The following BRD10 variants were observed in gnomAD, a reference collection of about 807,000 sequenced individuals.
The protein encoded by BRD10 is uncharacterized bromodomain-containing protein 10.
chr9:5,994,204 ACT>A, the BRD10 span, among the ~76,000 whole-genome samples: 841 of 152,276 alleles, frequency 5.5e-3, 3 homozygotes, highest in Non-Finnish European at 8.9e-3. Context: ...ATGCTTATTT[ACT>A]CTCTCATTTT....
chr9:5,885,463 C>A, the BRD10 span, among the ~76,000 whole-genome samples: 1 of 152,078 alleles, frequency 6.6e-6, no homozygotes, highest in Non-Finnish European at 1.5e-5. Flanking sequence ...CTCCACTTCC[C>A]AGGTTGAAGT....
At chr9:5,957,141 G>C in the BRD10 span, among the ~76,000 whole-genome samples, 1 of 152,112 alleles carries the variant, frequency 6.6e-6, no homozygotes, top group South Asian at 2.1e-4. Flanking sequence ...AACCTGCTGT[G>C]TGTCAGATAC....
the BRD10 span, chr9:5,914,150 CCACGT>C: frequency 2.4e-6 from 1 of 412,752 alleles, no homozygotes; most frequent in South Asian, 1.8e-5. Context: ...TCCTGCTGTT[CCACGT>C]GCAGGGGATC....
the BRD10 span, chr9:5,897,698 C>G: frequency 1.3e-6 from 2 of 1,499,702 alleles, no homozygotes; most frequent in Non-Finnish European, 1.9e-6. Context: ...GTCCAGGGCC[C>G]TCTTTCCAGT....
At chr9:5,916,874 T>A in the BRD10 span, among the ~76,000 whole-genome samples, 1 of 152,140 alleles carries the variant, frequency 6.6e-6, no homozygotes, top group East Asian at 1.9e-4. Context: ...GAACCCTTAA[T>A]AACACTAAAC....
the BRD10 span, chr9:5,921,828 A>C: frequency 5.6e-6 from 9 of 1,613,868 alleles, no homozygotes; most frequent in Non-Finnish European, 7.6e-6. Context: ...GGCATGTGTG[A>C]AGTTTTATCT....
the BRD10 span, among the ~76,000 whole-genome samples, chr9:5,980,392 T>C: frequency 6.6e-6 from 1 of 152,216 alleles, no homozygotes; most frequent in Non-Finnish European, 1.5e-5. Flanking sequence ...ATCTCCTTTA[T>C]ACTGGTATCC....
At chr9:5,989,494 C>T in the BRD10 span, among the ~76,000 whole-genome samples, 2 of 150,182 alleles carry the variant, frequency 1.3e-5, no homozygotes, top group Non-Finnish European at 3.0e-5. Flanking sequence ...CCCTGCTTTC[C>T]TACAGGCTTT....
the BRD10 span, among the ~76,000 whole-genome samples, chr9:5,923,661 G>C: frequency 2.0e-5 from 3 of 152,120 alleles, no homozygotes; most frequent in Non-Finnish European, 2.9e-5. Context: ...ATTTGCAAAG[G>C]AATCTAGTTC....
At chr9:5,909,053 T>C in the BRD10 span, 58 of 295,598 alleles carry the variant, frequency 2.0e-4, no homozygotes, top group South Asian at 2.2e-3. Flanking sequence ...GAAATTTGGC[T>C]AATAACAAAC....
chr9:5,925,241 C>G, the BRD10 span, among the ~76,000 whole-genome samples: 2 of 151,788 alleles, frequency 1.3e-5, no homozygotes, highest in South Asian at 4.2e-4. Flanking sequence ...CACCTGTAAT[C>G]CCAGCTATTC....
the BRD10 span, among the ~76,000 whole-genome samples, chr9:5,942,202 T>TATATAACA: frequency 1.3e-5 from 2 of 152,072 alleles, no homozygotes; most frequent in African/African-American, 4.8e-5. Context: ...AGGCTTCCTA[T>TATATAACA]ATATAACAAT....
the BRD10 span, among the ~76,000 whole-genome samples, chr9:5,983,972 C>CAT: frequency 6.7e-6 from 1 of 149,718 alleles, no homozygotes; most frequent in Non-Finnish European, 1.5e-5. Context: ...TACACACACA[C>CAT]ACACACACAC....
At chr9:5,943,159 G>A in the BRD10 span, among the ~76,000 whole-genome samples, 1 of 152,244 alleles carries the variant, frequency 6.6e-6, no homozygotes, top group African/African-American at 2.4e-5. Context: ...TTATAGGCCT[G>A]AGCCACTACG....
chr9:5,921,110 G>A, the BRD10 span: 1 of 1,613,880 alleles, frequency 6.2e-7, no homozygotes, highest in Non-Finnish European at 8.5e-7. Context: ...CACAAAATTT[G>A]AGCTTACTGG....
the BRD10 span, among the ~76,000 whole-genome samples, chr9:5,898,469 C>T: frequency 6.6e-6 from 1 of 152,172 alleles, no homozygotes. Context: ...AGTCCTACCT[C>T]TTACCATTGT....
the BRD10 span, among the ~76,000 whole-genome samples, chr9:5,943,107 G>C: frequency 6.6e-6 from 1 of 152,032 alleles, no homozygotes; most frequent in Non-Finnish European, 1.5e-5. Context: ...GAGCTCCTGG[G>C]CTCAAGAAAT....
chr9:5,902,374 T>C, the BRD10 span, among the ~76,000 whole-genome samples: 1 of 152,338 alleles, frequency 6.6e-6, no homozygotes, highest in East Asian at 1.9e-4. Context: ...TTTCTTAGCC[T>C]AGCTAAAGGC....
the BRD10 span, among the ~76,000 whole-genome samples, chr9:5,975,425 G>A: frequency 2.2e-5 from 2 of 92,966 alleles, no homozygotes; most frequent in Non-Finnish European, 3.9e-5. Context: ...GGCAACAAGA[G>A]TGAAACTCCA....
Sources: gnomAD v4.1 joint callset for allele counts (sites outside exome capture counted in the v4.1 genomes callset) on GRCh38, gnomAD v4.1.1 for gene constraint, MANE v1.5 for transcripts, NCBI Gene and HGNC (gene_info 2026-07-23, HGNC 2026-07-21) for gene names.